Variants in CHIC2 observed in about 807,000 individuals in gnomAD.
The protein encoded by CHIC2 is cysteine rich hydrophobic domain 2.
CHIC2 carries 14 observed loss-of-function variants against 25.9 expected under a neutral mutation model. That is an observed-to-expected ratio of 0.54 (90% CI 0.36 to 0.85). The LOEUF is 0.85. Ranked by LOEUF, CHIC2 falls within the 40% of genes least tolerant of loss-of-function variation. The pLI is 0.01. For missense variants in CHIC2, 146 were observed against 202.0 expected (o/e 0.72, Z 1.68); for synonymous variants, 70 against 72.0 (o/e 0.97, Z 0.14).
chr4:54,058,746 C>T (rs1333951687), intron 1 of CHIC2, among the ~76,000 whole-genome samples: 2 of 152,084 alleles, frequency 1.3e-5, no homozygotes, highest in Non-Finnish European at 2.9e-5. Context: ...TGAAAGATTT[C>T]TTTCTGAGTA....
chr4:54,017,585 A>G (rs1715779984), intron 3 of CHIC2, among the ~76,000 whole-genome samples: 1 of 152,174 alleles, frequency 6.6e-6, no homozygotes, highest in South Asian at 2.1e-4. Flanking sequence ...GCGGTTCTTT[A>G]CCAATGTAAT....
the CHIC2 span, among the ~76,000 whole-genome samples, chr4:54,086,755 G>T: frequency 1.4e-3 from 207 of 152,268 alleles, no homozygotes; most frequent in Non-Finnish European, 2.4e-3. Context: ...TGTACAGTAA[G>T]GCTCAGGAGA....
chr4:54,013,336 ATTTT>A (rs1715644753), intron 5 of CHIC2, among the ~76,000 whole-genome samples: 1 of 152,088 alleles, frequency 6.6e-6, no homozygotes, highest in South Asian at 2.1e-4. Flanking sequence ...CTTACTTTTA[ATTTT>A]TACAAAGCAG....
chr4:54,040,721 A>T (rs2110078231), intron 3 of CHIC2, among the ~76,000 whole-genome samples: 1 of 147,918 alleles, frequency 6.8e-6, no homozygotes, highest in Non-Finnish European at 1.5e-5. Context: ...AAAAAAAAAA[A>T]AAAAAAATTA....
At chr4:54,071,022 G>C in the CHIC2 span, among the ~76,000 whole-genome samples, 1 of 152,152 alleles carries the variant, frequency 6.6e-6, no homozygotes, top group African/African-American at 2.4e-5. Flanking sequence ...CTTTAGGATT[G>C]ATGTATGTGC....
At chr4:54,055,291 G>C in intron 1 of CHIC2, among the ~76,000 whole-genome samples, 1 of 152,186 alleles carries the variant, frequency 6.6e-6, no homozygotes, top group Admixed American at 6.5e-5. Context: ...TACATTAAGC[G>C]TAAGGCAGAA....
At chr4:54,050,817 T>C (rs1460301292) in intron 1 of CHIC2, among the ~76,000 whole-genome samples, 2 of 152,122 alleles carry the variant, frequency 1.3e-5, no homozygotes, top group Non-Finnish European at 2.9e-5. Flanking sequence ...TGCACAATGA[T>C]GAAATTGCCT....
intron 3 of CHIC2, among the ~76,000 whole-genome samples, chr4:54,042,097 C>G (rs1716595979): frequency 6.6e-6 from 1 of 151,956 alleles, no homozygotes; most frequent in Non-Finnish European, 1.5e-5. Context: ...TAATATCCTT[C>G]ACACATGCAT....
the CHIC2 span, among the ~76,000 whole-genome samples, chr4:54,079,636 G>A: frequency 6.6e-6 from 1 of 152,004 alleles, no homozygotes; most frequent in African/African-American, 2.4e-5. Context: ...CAAAGAAGAT[G>A]TACCAATGTC....
At chr4:54,075,590 A>G in the CHIC2 span, among the ~76,000 whole-genome samples, 6 of 152,202 alleles carry the variant, frequency 3.9e-5, no homozygotes, top group Non-Finnish European at 5.9e-5. Context: ...GTCTCACTCT[A>G]TTACCCAAAC....
the CHIC2 span, chr4:54,076,982 A>G: frequency 6.6e-6 from 1 of 152,052 alleles, no homozygotes; most frequent in Non-Finnish European, 1.5e-5. Flanking sequence ...TAAAAATTTA[A>G]AAAAAGAAAC....
intron 3 of CHIC2, 44 bp from the exon 4 acceptor site, chr4:54,014,163 G>C (rs1715674176): frequency 6.3e-7 from 1 of 1,587,714 alleles, no homozygotes; most frequent in African/African-American, 1.3e-5. Flanking sequence ...ACTGGTTTTA[G>C]AAAACTTTGT....
chr4:54,068,394 C>T (rs1374636532), upstream of CHIC2, among the ~76,000 whole-genome samples: 2 of 152,160 alleles, frequency 1.3e-5, no homozygotes, highest in Admixed American at 1.3e-4. Context: ...TATCTTAGAA[C>T]ACAGCAAGAA....
chr4:54,021,109 C>T (rs1029994642), intron 3 of CHIC2, among the ~76,000 whole-genome samples: 3 of 152,164 alleles, frequency 2.0e-5, no homozygotes, highest in Non-Finnish European at 2.9e-5. Context: ...TTCTCAAGAA[C>T]TTAAAACCCC....
intron 3 of CHIC2, among the ~76,000 whole-genome samples, chr4:54,031,059 G>A (rs774395008): frequency 5.9e-5 from 9 of 151,530 alleles, no homozygotes; most frequent in Non-Finnish European, 1.2e-4. Flanking sequence ...TTTAAAGCAT[G>A]GAAATAGAAA....
chr4:54,038,147 G>A (rs1032610985), intron 3 of CHIC2, among the ~76,000 whole-genome samples: 24 of 151,970 alleles, frequency 1.6e-4, no homozygotes, highest in Admixed American at 5.2e-4. Context: ...AAAAAGAGAA[G>A]GAAAAGAAAA....
At chr4:54,021,164 T>C (rs1345489146) in intron 3 of CHIC2, among the ~76,000 whole-genome samples, 3 of 152,302 alleles carry the variant, frequency 2.0e-5, no homozygotes, top group African/African-American at 7.2e-5. Flanking sequence ...TATTTTCTTC[T>C]GCAATACCGC....
In CHIC2 at chr4:54,010,059, A is replaced by G. The variant is rs1179877891; in HGVS notation, c.*36T>C. Reference sequence around the variant, plus strand: ...CCAAGCAAGGCACCATTGGAAAGACAACATACTTGGAAAGTCTCTATAAAT... The same window carrying G: ...CCAAGCAAGGCACCATTGGAAAGACGACATACTTGGAAAGTCTCTATAAAT... On this transcript the variant is annotated 3_prime_UTR_variant, in exon 6 of 6. Transcript: ENST00000263921. The G allele has an allele frequency of 6.8e-7, 1 of 1,481,364 alleles. No individual in the cohort carries two copies. The highest frequency in any genetic ancestry group is 9.4e-7 in the Non-Finnish European group (1 of 1,063,948). 91.8% of individuals were successfully genotyped at this position (1,481,364 alleles called of 1,614,324 possible). A position where few individuals can be genotyped will look rare whatever the true frequency, so the allele number is the denominator to read the frequency against.
At chr4:54,015,826 C>T (rs1458263551) in intron 3 of CHIC2, among the ~76,000 whole-genome samples, 3 of 152,144 alleles carry the variant, frequency 2.0e-5, no homozygotes, top group Non-Finnish European at 2.9e-5. Context: ...TGCATCACAG[C>T]GAACCTGAAA....
Sources: gnomAD v4.1 joint callset for allele counts (sites outside exome capture counted in the v4.1 genomes callset) on GRCh38, gnomAD v4.1.1 for gene constraint, MANE v1.5 for transcripts, NCBI Gene and HGNC (gene_info 2026-07-23, HGNC 2026-07-21) for gene names.